The following LTBP1 variants were observed in gnomAD, a reference collection of about 807,000 sequenced individuals.
LTBP1 encodes latent transforming growth factor beta binding protein 1, also known as latent-transforming growth factor beta-binding protein 1.
In LTBP1, 129 loss-of-function variants were observed where a neutral mutation model predicts 207.6. The ratio of observed to expected loss-of-function variants is 0.62; its 90% CI spans 0.54 to 0.72. The LOEUF is 0.72. Ranked by LOEUF, LTBP1 falls within the 30% of genes least tolerant of loss-of-function variation. LTBP1 has a pLI of 0.00. For missense variants in LTBP1, 2,281 were observed against 2,217.2 expected, an observed-to-expected ratio of 1.03 and a Z score of -0.58; for synonymous variants, 963 against 833.7, an observed-to-expected ratio of 1.16 and a Z score of -2.67.
intron 13 of LTBP1, among the ~76,000 whole-genome samples, chr2:33,262,200 G>A (rs900056822): frequency 1.3e-5 from 2 of 152,330 alleles, no homozygotes; most frequent in East Asian, 1.9e-4. Context: ...GAGTTGTAAA[G>A]TTATCAGACG....
chr2:33,008,021 T>A (rs1351494280), intron 2 of LTBP1, among the ~76,000 whole-genome samples: 1 of 152,276 alleles, frequency 6.6e-6, no homozygotes, highest in Non-Finnish European at 1.5e-5. Flanking sequence ...AAGTAAGTTA[T>A]GTTTTCTTAG....
chr2:32,948,882 G>A lies in LTBP1; in HGVS notation c.502G>A (p.Val168Ile), dbSNP rs754268048. Residue 168 changes from valine (V) to isoleucine (I), a missense_variant, in exon 2 of 34, where the codon GTC (valine) becomes ATC (isoleucine). By Grantham distance (29) the Val-to-Ile change is conservative (BLOSUM62 3). Around this residue, in one of 3 missense-constraint regions of LTBP1, gnomAD observed 555 missense variants for 491.0 expected, o/e 1.13. Transcript: ENST00000404816. ...HQKQQLQGVN[V>I]CGGRCCHGWS... ...GATCTTGCTTTGTTTCAGGGTCAATGTCTGTGGAGGGCGGTGCTGTCATGG... is the reference window on the plus strand; with the variant it reads ...GATCTTGCTTTGTTTCAGGGTCAATATCTGTGGAGGGCGGTGCTGTCATGG... 7 of 1,614,082 alleles carry A rather than the reference G, an allele frequency of 4.3e-6. No homozygotes were observed. The highest frequency in any genetic ancestry group is 5.9e-6 in the Non-Finnish European group (7 of 1,180,032).
chr2:33,091,699 C>G (rs952616789), intron 3 of LTBP1, among the ~76,000 whole-genome samples: 1 of 152,112 alleles, frequency 6.6e-6, no homozygotes, highest in Non-Finnish European at 1.5e-5. Context: ...TACTTGGTGC[C>G]GAATCCTCTG....
At chr2:33,383,081 C>T (rs573879047) in intron 31 of LTBP1, among the ~76,000 whole-genome samples, 8 of 152,348 alleles carry the variant, frequency 5.3e-5, no homozygotes, top group Admixed American at 1.3e-4. Context: ...ATTGGCTGGG[C>T]GCAGTGGCTC....
chr2:33,114,119 G>A (rs2080584405), intron 4 of LTBP1, among the ~76,000 whole-genome samples: 1 of 152,246 alleles, frequency 6.6e-6, no homozygotes. Flanking sequence ...TGGGATTACA[G>A]GTGTGAGCCA....
chr2:32,961,149 C>T (rs1679044210), intron 2 of LTBP1, among the ~76,000 whole-genome samples: 1 of 152,158 alleles, frequency 6.6e-6, no homozygotes. Context: ...AAAAACTGCA[C>T]GTGGAACAGT....
At position 33,389,212 on chromosome 2, in the gene LTBP1, C is replaced by T. The variant is rs369478116; in HGVS notation, c.4740C>T (p.Pro1580=). The T allele has an allele frequency of 9.2e-5, 148 of 1,614,124 alleles. No homozygotes were observed. Among genetic ancestry groups the T allele is most frequent in the African/African-American group, 8.8e-4 (66 of 75,024 alleles). The part of the protein sequence containing the change: ...SDDYAQLCNI[P]VTGRRQPYGR... ...ACTATGCTCAGCTGTGTAACATCCCCGTGACGGGACGCCGGCAGCCATATG... is the reference window on the plus strand; with the variant it reads ...ACTATGCTCAGCTGTGTAACATCCCTGTGACGGGACGCCGGCAGCCATATG... The change falls in exon 32 of 34, where the codon CCC becomes CCT. Residue 1580 remains proline, a synonymous_variant. Coordinates refer to ENST00000404816, the MANE Select transcript of LTBP1 (RefSeq NM_206943.4).
chr2:33,174,638 C>T (rs1345918659), intron 5 of LTBP1, among the ~76,000 whole-genome samples: 1 of 151,970 alleles, frequency 6.6e-6, no homozygotes, highest in East Asian at 1.9e-4. Flanking sequence ...ACTTTCTTCA[C>T]AGAATTGGAA....
At chr2:32,999,122 C>T (rs1278868660) in intron 2 of LTBP1, among the ~76,000 whole-genome samples, 1 of 152,186 alleles carries the variant, frequency 6.6e-6, no homozygotes, top group South Asian at 2.1e-4. Context: ...ACCACTAGAT[C>T]CTTGTGATTC....
intron 3 of LTBP1, among the ~76,000 whole-genome samples, chr2:33,071,191 C>A (rs1453951564): frequency 2.0e-5 from 3 of 152,160 alleles, no homozygotes; most frequent in Admixed American, 2.0e-4. Flanking sequence ...CACTTCCAAG[C>A]TTACTCACGT....
chr2:33,273,386 A>G (rs567964218), intron 15 of LTBP1, among the ~76,000 whole-genome samples: 9 of 152,338 alleles, frequency 5.9e-5, no homozygotes, highest in Admixed American at 1.3e-4. Context: ...AACTTACAAC[A>G]TGGCCTTTTT....
intron 5 of LTBP1, among the ~76,000 whole-genome samples, chr2:33,140,432 T>C (rs181330841): frequency 6.6e-6 from 1 of 152,310 alleles, no homozygotes; most frequent in Admixed American, 6.5e-5. Context: ...CACTGGAGAA[T>C]GTATTTTCCC....
At chr2:33,258,209 T>C (rs891188187) in intron 12 of LTBP1, among the ~76,000 whole-genome samples, 1 of 152,250 alleles carries the variant, frequency 6.6e-6, no homozygotes, top group Non-Finnish European at 1.5e-5. Context: ...TCTCTTGATA[T>C]AAACCCAGCA....
At chr2:32,995,624 A>G (rs1461780427) in intron 2 of LTBP1, among the ~76,000 whole-genome samples, 1 of 152,042 alleles carries the variant, frequency 6.6e-6, no homozygotes, top group African/African-American at 2.4e-5. Context: ...TACTAAAAAT[A>G]CAAAAACAAA....
chr2:33,321,891 G>A (rs1048598973), intron 24 of LTBP1, among the ~76,000 whole-genome samples: 1 of 152,188 alleles, frequency 6.6e-6, no homozygotes, highest in African/African-American at 2.4e-5. Context: ...AAGAAAGAAA[G>A]TGGCTTCCAG....
chr2:33,321,662 C>T (rs557298889), intron 24 of LTBP1, among the ~76,000 whole-genome samples: 1 of 152,278 alleles, frequency 6.6e-6, no homozygotes, highest in East Asian at 1.9e-4. Context: ...TTGAAAATGA[C>T]TCAGCCAAGT....
chr2:33,158,527 G>A (rs1038735533), intron 5 of LTBP1, among the ~76,000 whole-genome samples: 12 of 152,130 alleles, frequency 7.9e-5, no homozygotes, highest in African/African-American at 2.9e-4. Context: ...CCAAATAGGG[G>A]TGACTTATAG....
intron 3 of LTBP1, among the ~76,000 whole-genome samples, chr2:33,045,159 T>G (rs1356838386): frequency 6.6e-6 from 1 of 152,220 alleles, no homozygotes; most frequent in Non-Finnish European, 1.5e-5. Flanking sequence ...TGCCATTGCT[T>G]TTGGTGTTTT....
rs1267528018 is a variant in LTBP1 at position 33,157,899 on chromosome 2, T to C, written c.1201+22939T>C. Among the ~76,000 whole-genome samples, 8 of 152,120 alleles carry C rather than the reference T, an allele frequency of 5.3e-5. No individual in the cohort carries two copies. In the East Asian group the frequency reaches 7.7e-4, roughly 15 times the overall value. On this transcript the variant is annotated intron_variant, in intron 5 of 33. Coordinates refer to ENST00000404816, the MANE Select transcript of LTBP1 (RefSeq NM_206943.4). Reference sequence around the variant, plus strand: ...GTTCATGCCTGTAATCCCAGCACTTTGGGAAGCCAAGGCATGTGGATCATC... The same window carrying C: ...GTTCATGCCTGTAATCCCAGCACTTCGGGAAGCCAAGGCATGTGGATCATC...
Sources: gnomAD v4.1 joint callset for allele counts (sites outside exome capture counted in the v4.1 genomes callset) on GRCh38, gnomAD v4.1.1 for gene constraint, gnomAD v4.1.1 regional missense constraint, MANE v1.5 for transcripts, NCBI Gene and HGNC (gene_info 2026-07-23, HGNC 2026-07-21) for gene names.